Variants in PDLIM5 observed in about 807,000 individuals in gnomAD.
The protein encoded by PDLIM5 is PDZ and LIM domain 5.
In PDLIM5, 34 loss-of-function variants were observed where a neutral mutation model predicts 64.2. The observed-to-expected ratio is 0.53, with a 90% confidence interval of 0.40 to 0.71. The LOEUF (loss-of-function observed/expected upper bound fraction) is 0.71, where lower values mean the gene tolerates loss of function less well. Ranked by LOEUF, PDLIM5 falls within the 30% of genes least tolerant of loss-of-function variation. PDLIM5 has a pLI of 0.00. For missense variants in PDLIM5, 683 were observed against 733.6 expected (o/e 0.93, Z 0.80); for synonymous variants, 253 against 269.1 (o/e 0.94, Z 0.59).
chr4:94,586,769 T>C (rs974165876), intron 7 of PDLIM5, among the ~76,000 whole-genome samples: 1 of 152,176 alleles, frequency 6.6e-6, no homozygotes, highest in Non-Finnish European at 1.5e-5. Flanking sequence ...ATTTTGAACA[T>C]AAAAATGTAT....
intron 3 of PDLIM5, among the ~76,000 whole-genome samples, chr4:94,564,909 G>A (rs908438491): frequency 6.6e-6 from 1 of 152,014 alleles, no homozygotes; most frequent in Non-Finnish European, 1.5e-5. Flanking sequence ...GCCCGCCTCG[G>A]CCTCCCAAAG....
intron 7 of PDLIM5, among the ~76,000 whole-genome samples, chr4:94,612,720 C>T (rs1738477389): frequency 6.6e-6 from 1 of 151,810 alleles, no homozygotes; most frequent in African/African-American, 2.4e-5. Context: ...AGTTGGCATT[C>T]TGGGGTTTCC....
chr4:94,634,903 A>G (rs569772756), intron 8 of PDLIM5, among the ~76,000 whole-genome samples: 245 of 152,342 alleles, frequency 1.6e-3, no homozygotes, highest in African/African-American at 5.6e-3. Context: ...TGGATTAGGT[A>G]TATTTTACTG....
intron 3 of PDLIM5, among the ~76,000 whole-genome samples, chr4:94,526,318 C>A (rs1730347283): frequency 1.3e-5 from 2 of 152,188 alleles, no homozygotes; most frequent in African/African-American, 4.8e-5. Context: ...AATAAAGATT[C>A]TTTAAGGCTG....
At chr4:94,500,111 A>G (rs1487625001) in intron 2 of PDLIM5, among the ~76,000 whole-genome samples, 1 of 152,214 alleles carries the variant, frequency 6.6e-6, no homozygotes, top group East Asian at 1.9e-4. Flanking sequence ...TACTTTTCAT[A>G]TATTTTAAGA....
At chr4:94,494,855 T>C (rs1172111208) in intron 2 of PDLIM5, among the ~76,000 whole-genome samples, 1 of 152,034 alleles carries the variant, frequency 6.6e-6, no homozygotes, top group Non-Finnish European at 1.5e-5. Context: ...TTCAAGCGAT[T>C]CTCCTGCCTT....
chr4:94,651,549 G>A (rs1312819823), intron 9 of PDLIM5, among the ~76,000 whole-genome samples: 2 of 152,112 alleles, frequency 1.3e-5, no homozygotes, highest in African/African-American at 4.8e-5. Flanking sequence ...GAAATTCATC[G>A]ATAGGCTCGT....
Position 94,657,475 on chromosome 4 carries a change from T to C in PDLIM5, c.1513T>C (p.Cys505Arg). Residue 505 changes from cysteine to arginine, a missense_variant, in exon 11 of 13, where the codon TGT becomes CGT. Transcript: ENST00000317968. ...AACTTGGCATGTTTCCTGTTTTGTG[T>C]GTGTAGCCTGTGGAAAGCCCATTCG... is the stretch of plus-strand genomic sequence containing the variant. ...KQTWHVSCFV[C>R]VACGKPIRNN... is the part of the protein sequence containing the mutation. 6.2e-7 allele frequency: 1 copy of C among 1,605,996 alleles called. No individual in the cohort carries two copies. Among genetic ancestry groups the C allele is most frequent in the Non-Finnish European group, 8.5e-7 (1 of 1,172,614 alleles).
At chr4:94,535,313 C>A (rs1300586761) in intron 3 of PDLIM5, among the ~76,000 whole-genome samples, 3 of 152,150 alleles carry the variant, frequency 2.0e-5, no homozygotes, top group Non-Finnish European at 2.9e-5. Flanking sequence ...CAGTGTTCTG[C>A]CCCTTTCACC....
At chr4:94,514,116 C>T (rs1337306629) in intron 2 of PDLIM5, among the ~76,000 whole-genome samples, 2 of 147,058 alleles carry the variant, frequency 1.4e-5, no homozygotes, top group African/African-American at 5.0e-5. Flanking sequence ...TTGTTGAATT[C>T]GGTTTGCTAG....
chr4:94,640,271 C>T lies in PDLIM5; in HGVS notation c.1109-5C>T, dbSNP rs1315988909. ...TCATTCTGATTCTTCTGTTTTAACT[C>T]CTAGTACCTTCCACTGGAAGAATCT... is the stretch of plus-strand genomic sequence containing the variant. On this transcript the variant is annotated splice_polypyrimidine_tract_variant and splice_region_variant and intron_variant, in intron 8 of 12. Transcript: ENST00000317968. 2.6e-6 allele frequency: 4 copies of T among 1,563,266 alleles called. No homozygotes were observed. The highest frequency in any genetic ancestry group is 3.5e-6 in the Non-Finnish European group (4 of 1,137,026).
At chr4:94,654,147 A>G (rs536530142) in intron 9 of PDLIM5, among the ~76,000 whole-genome samples, 83 of 152,198 alleles carry the variant, frequency 5.5e-4, no homozygotes, top group African/African-American at 1.9e-3. Context: ...CTCATTCTCA[A>G]TCCTACCCAT....
At chr4:94,654,908 T>C (rs1036677138) in intron 10 of PDLIM5, among the ~76,000 whole-genome samples, 1 of 152,160 alleles carries the variant, frequency 6.6e-6, no homozygotes, top group Non-Finnish European at 1.5e-5. Context: ...AATAATTTAC[T>C]GTGGGTGTGC....
intron 2 of PDLIM5, among the ~76,000 whole-genome samples, chr4:94,478,250 C>T (rs1246788625): frequency 7.9e-5 from 10 of 127,206 alleles, no homozygotes; most frequent in Admixed American, 3.1e-4. Flanking sequence ...AGCCAGACTC[C>T]GTCTCAAAAA....
At chr4:94,469,381 T>C (rs1473939653) in intron 2 of PDLIM5, among the ~76,000 whole-genome samples, 1 of 152,176 alleles carries the variant, frequency 6.6e-6, no homozygotes, top group Non-Finnish European at 1.5e-5. Context: ...GGAGGCAGCA[T>C]TGACCTAAGA....
chr4:94,640,587 G>T (rs370352528), intron 9 of PDLIM5, 137 bp downstream of exon 9: 8 of 502,568 alleles, frequency 1.6e-5, no homozygotes, highest in African/African-American at 1.4e-4. Context: ...ACTAATTATT[G>T]AGTAAATACG....
In PDLIM5 at chr4:94,574,498, C is replaced by CA. The variant is rs70946534; in HGVS notation, c.292-1101dup. Among the ~76,000 whole-genome samples the CA allele has an allele frequency of 7.1e-3, 679 of 96,308 alleles. 10 individuals are homozygous for CA. Among genetic ancestry groups the CA allele is most frequent in the Middle Eastern group, 0.026 (4 of 156 alleles). 63.2% of individuals were successfully genotyped at this position (96,308 alleles called of 152,430 possible). A position where few individuals can be genotyped will look rare whatever the true frequency, so the allele number is the denominator to read the frequency against. On this transcript the variant is annotated intron_variant, in intron 4 of 12. Transcript: ENST00000317968. ...CAGTGACAGAGCAAGACTCCTGTCT[C>CA]AAAAAAAAAAAAAAAAACAAGATGA... is the stretch of plus-strand genomic sequence containing the variant.
intron 8 of PDLIM5, among the ~76,000 whole-genome samples, chr4:94,625,636 G>T (rs1170637478): frequency 6.6e-6 from 1 of 152,012 alleles, no homozygotes; most frequent in Non-Finnish European, 1.5e-5. Context: ...TGTATTTTTA[G>T]TAGAGACGGG....
At chr4:94,588,519 C>T (rs1290554022) in intron 7 of PDLIM5, among the ~76,000 whole-genome samples, 2 of 151,952 alleles carry the variant, frequency 1.3e-5, no homozygotes, top group African/African-American at 2.4e-5. Context: ...GCCGAGATTG[C>T]ACCATTGCAT....
Sources: gnomAD v4.1 joint callset for allele counts (sites outside exome capture counted in the v4.1 genomes callset) on GRCh38, gnomAD v4.1.1 for gene constraint, MANE v1.5 for transcripts, NCBI Gene and HGNC (gene_info 2026-07-23, HGNC 2026-07-21) for gene names.